RBPJ: variants seen among roughly 807,000 people sequenced by gnomAD.
RBPJ encodes recombination signal binding protein for immunoglobulin kappa J region.
Under a neutral mutation model 67.8 loss-of-function variants are expected in RBPJ, and 9 were observed. The observed-to-expected ratio is 0.13, with a 90% CI of 0.08 to 0.23. RBPJ has a LOEUF of 0.23. Among genes scored for constraint, RBPJ ranks in the 10% least tolerant of loss-of-function variants. RBPJ has a pLI of 1.00. For synonymous variants in RBPJ, 198 were observed against 203.3 expected, an observed-to-expected ratio of 0.97 and a Z score of 0.22; for missense variants, 305 against 595.6, an observed-to-expected ratio of 0.51 and a Z score of 5.08.
chr4:26,296,522 G>T (rs558042319), intron 1 of RBPJ, among the ~76,000 whole-genome samples: 2 of 152,048 alleles, frequency 1.3e-5, no homozygotes, highest in Non-Finnish European at 2.9e-5. Context: ...TTTATTCGCC[G>T]CTCTATTTCA....
At chr4:26,402,080 G>A (rs374911847) in intron 2 of RBPJ, among the ~76,000 whole-genome samples, 2 of 151,688 alleles carry the variant, frequency 1.3e-5, no homozygotes, top group Non-Finnish European at 2.9e-5. Context: ...TAGAAAGGGG[G>A]TTTCTCCATG....
At chr4:26,286,472 CAAAAAAAAAAA>C (rs57556548) in intron 1 of RBPJ, among the ~76,000 whole-genome samples, 2 of 99,490 alleles carry the variant, frequency 2.0e-5, no homozygotes, top group Non-Finnish European at 3.9e-5. Flanking sequence ...GACCCTGCCT[CAAAAAAAAAAA>C]AAAAAAAAAA....
chr4:26,351,982 C>G (rs1037981479), intron 1 of RBPJ, among the ~76,000 whole-genome samples: 2 of 152,046 alleles, frequency 1.3e-5, no homozygotes, highest in Non-Finnish European at 2.9e-5. Flanking sequence ...GTGGGGAGTT[C>G]CCTTTCATAC....
chr4:26,279,626 C>T (rs1257504553), intron 1 of RBPJ, among the ~76,000 whole-genome samples: 1 of 152,086 alleles, frequency 6.6e-6, no homozygotes, highest in Non-Finnish European at 1.5e-5. Context: ...CTTACATTTG[C>T]TTTTAATGTA....
chr4:26,309,366 G>A (rs1045945877), intron 1 of RBPJ, among the ~76,000 whole-genome samples: 3 of 152,104 alleles, frequency 2.0e-5, no homozygotes, highest in Non-Finnish European at 4.4e-5. Context: ...AAATCTCTAA[G>A]GCAGTATTAT....
intron 1 of RBPJ, among the ~76,000 whole-genome samples, chr4:26,180,664 T>A (rs987240639): frequency 6.6e-6 from 1 of 152,188 alleles, no homozygotes; most frequent in Non-Finnish European, 1.5e-5. Context: ...CATCTCCCAA[T>A]ACCTTGGAGA....
chr4:26,293,479 T>G (rs1045215087), intron 1 of RBPJ, among the ~76,000 whole-genome samples: 1 of 149,282 alleles, frequency 6.7e-6, no homozygotes, highest in Non-Finnish European at 1.5e-5. Context: ...ACAAAAAATT[T>G]TTTTTAATTA....
chr4:26,348,163 G>A lies in RBPJ; in HGVS notation c.20+27115G>A, dbSNP rs549617150. Among the ~76,000 whole-genome samples, 77 of 152,086 alleles carry A rather than the reference G, an allele frequency of 5.1e-4. 1 individual carries two copies. Among genetic ancestry groups the A allele is most frequent in the South Asian group, 2.7e-3 (13 of 4,814 alleles). On this transcript the variant is annotated intron_variant, in intron 1 of 10. Transcript: ENST00000355476. The stretch of plus-strand genomic sequence containing the variant: ...TTTAGTAGAGATGGGGTTTCACCAC[G>A]GTGGCCAGGCTGGTCTCGAACTCCT...
intron 2 of RBPJ, among the ~76,000 whole-genome samples, chr4:26,388,137 A>G (rs1288033228): frequency 6.6e-6 from 1 of 152,186 alleles, no homozygotes; most frequent in African/African-American, 2.4e-5. Context: ...TAGAATTATT[A>G]GATAAGAACA....
intron 2 of RBPJ, among the ~76,000 whole-genome samples, chr4:26,388,647 G>T (rs1300756893): frequency 6.6e-6 from 1 of 151,938 alleles, no homozygotes; most frequent in African/African-American, 2.4e-5. Context: ...CTCTAAAGAT[G>T]AAAAGTTTAA....
chr4:26,283,816 T>A (rs1462668391), intron 1 of RBPJ, among the ~76,000 whole-genome samples: 1 of 152,094 alleles, frequency 6.6e-6, no homozygotes, highest in Non-Finnish European at 1.5e-5. Flanking sequence ...CTAGCTAATT[T>A]CGTACTTTTA....
intron 1 of RBPJ, among the ~76,000 whole-genome samples, chr4:26,384,273 T>C (rs371874373): frequency 3.3e-5 from 5 of 152,340 alleles, no homozygotes; most frequent in African/African-American, 9.6e-5. Context: ...AAGCCATTTT[T>C]CAATATTTTA....
At chr4:26,116,644 A>G in the RBPJ span, among the ~76,000 whole-genome samples, 1 of 152,192 alleles carries the variant, frequency 6.6e-6, no homozygotes, top group African/African-American at 2.4e-5. Context: ...TATGCCCATG[A>G]AGGTGCACCA....
chr4:26,392,029 G>A (rs1386032231), intron 2 of RBPJ, among the ~76,000 whole-genome samples: 1 of 152,134 alleles, frequency 6.6e-6, no homozygotes, highest in Non-Finnish European at 1.5e-5. Flanking sequence ...TCCTATTCTT[G>A]AAGGCTCCAT....
intron 1 of RBPJ, among the ~76,000 whole-genome samples, chr4:26,210,700 T>TTTCTTTCTTTCCTTCTTTCC (rs1348512062): frequency 0.028 from 1,673 of 59,458 alleles, 151 homozygotes; most frequent in South Asian, 0.067. Context: ...TCTTTCTTTC[T>TTTCTTTCTTTCCTTCTTTCC]TTCTTTCCTT....
intron 1 of RBPJ, among the ~76,000 whole-genome samples, chr4:26,334,073 C>T (rs1724545797): frequency 6.6e-6 from 1 of 151,244 alleles, no homozygotes; most frequent in Non-Finnish European, 1.5e-5. Flanking sequence ...TGGAGTCTCG[C>T]TCCGTCGCCC....
chr4:26,368,060 G>T (rs143049674), intron 1 of RBPJ: 1 of 152,288 alleles, frequency 6.6e-6, no homozygotes, highest in East Asian at 1.9e-4. Context: ...ACATAGTTCA[G>T]TTCTCTGAAT....
intron 1 of RBPJ, among the ~76,000 whole-genome samples, chr4:26,381,723 CAT>C (rs1280797016): frequency 2.0e-5 from 3 of 152,124 alleles, no homozygotes; most frequent in Non-Finnish European, 4.4e-5. Flanking sequence ...GTATACAGAA[CAT>C]AGAGCAAGAA....
chr4:26,182,124 T>C (rs111947792), intron 1 of RBPJ, among the ~76,000 whole-genome samples: 2,153 of 152,296 alleles, frequency 0.014, 37 homozygotes, highest in African/African-American at 0.049. Context: ...AGCCGGATCA[T>C]GAGGTCAGAA....
Sources: gnomAD v4.1 joint callset for allele counts (sites outside exome capture counted in the v4.1 genomes callset) on GRCh38, gnomAD v4.1.1 for gene constraint, MANE v1.5 for transcripts, NCBI Gene and HGNC (gene_info 2026-07-23, HGNC 2026-07-21) for gene names.